Variants in MTOR observed in about 807,000 individuals in gnomAD.
MTOR encodes the protein mechanistic target of rapamycin kinase, also known as serine/threonine-protein kinase mTOR.
Under a neutral mutation model 319.8 loss-of-function variants are expected in MTOR, and 70 were observed. The observed-to-expected ratio is 0.22, with a 90% CI of 0.18 to 0.27. MTOR has a LOEUF of 0.27. Among genes scored for constraint, MTOR ranks in the 10% least tolerant of loss-of-function variants. The probability of loss-of-function intolerance (pLI) is 1.00; values close to 1 mark genes in which losing one functional copy is unlikely to be tolerated. For synonymous variants in MTOR, 1,183 were observed against 1,211.4 expected (o/e 0.98, Z 0.49); for missense variants, 1,890 against 3,274.4 (o/e 0.58, Z 10.32).
At chr1:11,140,180 C>G (rs1425527613) in intron 34 of MTOR, among the ~76,000 whole-genome samples, 2 of 152,022 alleles carry the variant, frequency 1.3e-5, no homozygotes, top group Non-Finnish European at 2.9e-5. Context: ...TGAAACACAA[C>G]AGAGATTTGC....
chr1:11,139,420 T>A lies in MTOR; in HGVS notation c.5014A>T (p.Thr1672Ser). ...KSGRLALAHK[T>S]LVLLLGVDPS... ...TCAACTCCCAGGAGCAACACTAAAG[T>A]TTTATGAGCAAGAGCCTTAAAAATA... The change falls in exon 36 of 58, where the codon ACT becomes TCT. Residue 1672 changes from threonine to serine, a missense_variant. By Grantham distance (58) the Thr-to-Ser change is moderately conservative (BLOSUM62 1). Transcript: ENST00000361445. 6.2e-7 allele frequency: 1 copy of A among 1,613,914 alleles called. No individual in the cohort carries two copies. The highest frequency in any genetic ancestry group is 8.5e-7 in the Non-Finnish European group (1 of 1,179,970).
chr1:11,219,951 C>T lies in MTOR; in HGVS notation c.3031-3717G>A, dbSNP rs1333652330. On this transcript the variant is annotated intron_variant, in intron 19 of 57. Transcript: ENST00000361445. Reference sequence around the variant, plus strand: ...AGGAGGCTGAGGCATGAGGATCACTCGAACATGGAAGGTGGAGGTTGCAGT... The same window carrying T: ...AGGAGGCTGAGGCATGAGGATCACTTGAACATGGAAGGTGGAGGTTGCAGT... Among the ~76,000 whole-genome samples, 4 of 147,226 alleles carry T rather than the reference C, an allele frequency of 2.7e-5. No homozygotes were observed. The Admixed American group carries it at 2.8e-4, about 10-fold the overall frequency.
intron 29 of MTOR, among the ~76,000 whole-genome samples, chr1:11,163,293 T>A (rs1054975862): frequency 6.6e-6 from 1 of 152,160 alleles, no homozygotes; most frequent in African/African-American, 2.4e-5. Context: ...AAGCAAGTCC[T>A]TAGAGACCTA....
Position 11,128,986 on chromosome 1 carries a change from G to A in MTOR, c.5715-35C>T, listed in dbSNP as rs1475185938. On this transcript the variant is annotated intron_variant, in intron 40 of 57. Coordinates refer to ENST00000361445, the MANE Select transcript of MTOR (RefSeq NM_004958.4). This position sits in a 1 kb window ranked among gnomAD's most constrained non-coding sequence, Gnocchi z 5.3. ...AAATGAGAAAGTCACAGAAAATTTA[G>A]TTTCCCAGTTTTTGCCTGCCTGTTT... 6.3e-7 allele frequency: 1 copy of A among 1,580,276 alleles called. No homozygotes were observed. The highest frequency in any genetic ancestry group is 8.6e-7 in the Non-Finnish European group (1 of 1,156,968).
chr1:11,228,946 A>T (rs372991519), intron 18 of MTOR, 28 bp from the exon 19 acceptor site: 1 of 1,610,552 alleles, frequency 6.2e-7, no homozygotes, highest in Non-Finnish European at 8.5e-7. Flanking sequence ...AGAGTGTTAG[A>T]GCTACACATG....
intron 30 of MTOR, 56 bp downstream of exon 30, chr1:11,157,096 G>T (rs2100566036): frequency 6.6e-7 from 1 of 1,516,388 alleles, no homozygotes; most frequent in South Asian, 1.3e-5. Flanking sequence ...CAAATCCAAA[G>T]ATCAAAGAGA....
chr1:11,254,745 T>C (rs566972178), intron 5 of MTOR, among the ~76,000 whole-genome samples: 13 of 152,142 alleles, frequency 8.5e-5, no homozygotes, highest in Admixed American at 3.3e-4. Context: ...TTTCCGTATT[T>C]TAACATCTCT....
chr1:11,128,711 C>A lies in MTOR; in HGVS notation c.5811+144G>T. ...TAAAAGAAAATAAAGAAAATATGGA[C>A]ACTTGACACTGGGACCGAGCCCTAC... is the stretch of plus-strand genomic sequence containing the variant. On this transcript the variant is annotated intron_variant, in intron 41 of 57. Coordinates refer to ENST00000361445, the MANE Select transcript of MTOR (RefSeq NM_004958.4). This position sits in a 1 kb window ranked among gnomAD's most constrained non-coding sequence, Gnocchi z 5.3. 1.0e-6 allele frequency: 1 copy of A among 1,004,212 alleles called. No homozygotes were observed. The highest frequency in any genetic ancestry group is 1.5e-6 in the Non-Finnish European group (1 of 669,258). The allele number at this position is 1,004,212 out of a possible 1,614,324, so 62.2% of individuals were successfully genotyped here.
In MTOR at chr1:11,213,462, C is replaced by G; in HGVS notation, c.3222G>C (p.Leu1074=). 1 of 1,613,980 alleles carries G rather than the reference C, an allele frequency of 6.2e-7. No homozygotes were observed. The highest frequency in any genetic ancestry group is 1.1e-5 in the South Asian group (1 of 91,080). ...GGEFKLYLPQ[L]IPHMLRVFMH... is the part of the protein sequence containing the mutation. The stretch of plus-strand genomic sequence containing the variant: ...TGAAGACACGCAGCATGTGTGGGAT[C>G]AGCTGGGGCAGGTAGAGCTTAAATT... The change falls in exon 21 of 58, where the codon CTG becomes CTC. Residue 1074 remains leucine, a synonymous_variant. Transcript: ENST00000361445.
chr1:11,177,563 A>G (rs930257895), intron 28 of MTOR, among the ~76,000 whole-genome samples: 1 of 152,158 alleles, frequency 6.6e-6, no homozygotes, highest in Admixed American at 6.5e-5. Context: ...GTCTCCAAAA[A>G]CAAAACAAAA....
At chr1:11,143,143 G>A (rs1357307539) in intron 34 of MTOR, among the ~76,000 whole-genome samples, 1 of 152,112 alleles carries the variant, frequency 6.6e-6, no homozygotes, top group African/African-American at 2.4e-5. Flanking sequence ...ATTGTTTTTT[G>A]TGACTTCTCA....
intron 13 of MTOR, among the ~76,000 whole-genome samples, chr1:11,235,128 G>A (rs1647154953): frequency 6.6e-6 from 1 of 152,152 alleles, no homozygotes. Context: ...AAGAAATGAA[G>A]GGGATACTGA....
At chr1:11,175,186 T>C (rs78242220) in intron 28 of MTOR, among the ~76,000 whole-genome samples, 4,551 of 152,230 alleles carry the variant, frequency 0.03, 173 homozygotes, top group Admixed American at 0.071. Context: ...TGTGAATCTG[T>C]AGAACAAACA....
intron 25 of MTOR, among the ~76,000 whole-genome samples, chr1:11,208,615 C>T (rs943539541): frequency 6.6e-6 from 1 of 152,200 alleles, no homozygotes; most frequent in Non-Finnish European, 1.5e-5. Flanking sequence ...ATGGAAAATA[C>T]TCGATGTGGT....
At chr1:11,170,993 G>A (rs1257255058) in intron 28 of MTOR, among the ~76,000 whole-genome samples, 1 of 151,542 alleles carries the variant, frequency 6.6e-6, no homozygotes, top group African/African-American at 2.4e-5. Context: ...TCAGGAGTTC[G>A]AGACCAGTCT....
intron 28 of MTOR, among the ~76,000 whole-genome samples, chr1:11,191,955 T>C (rs1167607892): frequency 6.6e-6 from 1 of 152,168 alleles, no homozygotes; most frequent in East Asian, 1.9e-4. Context: ...CCTCATACAC[T>C]GTAACATTTC....
chr1:11,129,064 T>C lies in MTOR; in HGVS notation c.5715-113A>G. ...GCTGGCAGGGACTCCAACCAGTAAC[T>C]CTCAAATGTGTTTGGCCTCCCATGG... On this transcript the variant is annotated intron_variant, in intron 40 of 57. Coordinates refer to ENST00000361445, the MANE Select transcript of MTOR (RefSeq NM_004958.4). The surrounding 1 kb of genome is among the most constrained non-coding windows in gnomAD (Gnocchi z 4.7). 1 of 827,656 alleles carries C rather than the reference T, an allele frequency of 1.2e-6. No homozygotes were observed. Among genetic ancestry groups the C allele is most frequent in the South Asian group, 1.6e-5 (1 of 63,714 alleles). 51.3% of individuals were successfully genotyped at this position (827,656 alleles called of 1,614,324 possible).
At chr1:11,207,910 G>A (rs1404297291) in intron 25 of MTOR, among the ~76,000 whole-genome samples, 1 of 152,070 alleles carries the variant, frequency 6.6e-6, no homozygotes, top group Non-Finnish European at 1.5e-5. Flanking sequence ...TCTTTCTTTT[G>A]TCTATCTGGC....
chr1:11,258,188 G>A (rs1650675099), intron 3 of MTOR, among the ~76,000 whole-genome samples: 1 of 151,976 alleles, frequency 6.6e-6, no homozygotes, highest in African/African-American at 2.4e-5. Flanking sequence ...GCGAAACCCT[G>A]CTCTACTGAG....
Sources: gnomAD v4.1 joint callset for allele counts (sites outside exome capture counted in the v4.1 genomes callset) on GRCh38, gnomAD v4.1.1 for gene constraint, Gnocchi (gnomAD v3.1) non-coding constraint, MANE v1.5 for transcripts, NCBI Gene and HGNC (gene_info 2026-07-23, HGNC 2026-07-21) for gene names.